Variants in LINGO1 observed in about 807,000 individuals in gnomAD.
LINGO1 encodes leucine rich repeat and Ig domain containing 1, also known as leucine-rich repeat and immunoglobulin-like domain-containing nogo receptor-interacting protein 1.
In LINGO1, 11 loss-of-function variants were observed where a neutral mutation model predicts 37.3. The observed-to-expected ratio is 0.29, with a 90% CI of 0.19 to 0.49. The LOEUF (loss-of-function observed/expected upper bound fraction) is 0.49, where lower values mean the gene tolerates loss of function less well. Among genes scored for constraint, LINGO1 ranks in the 20% least tolerant of loss-of-function variants. LINGO1 has a pLI of 0.99. For missense variants in LINGO1, 585 were observed against 878.2 expected (o/e 0.67, Z 4.22); for synonymous variants, 387 against 403.0 (o/e 0.96, Z 0.48).
intron 1 of LINGO1, among the ~76,000 whole-genome samples, chr15:77,818,501 G>A (rs1288282906): frequency 1.2e-4 from 18 of 152,228 alleles, no homozygotes; most frequent in Non-Finnish European, 1.3e-4. Context: ...GCACCAGGCC[G>A]GCAGACCTGG....
intron 2 of LINGO1, among the ~76,000 whole-genome samples, chr15:77,734,062 C>G (rs904065972): frequency 2.0e-5 from 3 of 152,202 alleles, no homozygotes; most frequent in Non-Finnish European, 4.4e-5. Flanking sequence ...CCCTAACTCC[C>G]GATCTCAGTT....
At chr15:77,663,466 T>G (rs73457837) in intron 3 of LINGO1, among the ~76,000 whole-genome samples, 8,072 of 152,278 alleles carry the variant, frequency 0.053, 691 homozygotes, top group African/African-American at 0.18. Flanking sequence ...CCCTGGACTT[T>G]GGTCCTGTCT....
In LINGO1 at chr15:77,776,471, AGGC is replaced by A. The variant is rs1484881933; in HGVS notation, c.-257+10395_-257+10397del. Among the ~76,000 whole-genome samples, 189 of 137,404 alleles carry A rather than the reference AGGC, an allele frequency of 1.4e-3. 1 individual carries two copies. Among genetic ancestry groups the A allele is most frequent in the African/African-American group, 2.3e-3 (81 of 34,908 alleles). 90.1% of individuals were successfully genotyped at this position (137,404 alleles called of 152,430 possible). A position where few individuals can be genotyped will look rare whatever the true frequency, so the allele number is the denominator to read the frequency against. On this transcript the variant is annotated intron_variant, in intron 1 of 3. Coordinates refer to the LINGO1 transcript ENST00000561686. The stretch of plus-strand genomic sequence containing the variant: ...TTAGCAGGAAGGCAGGAAGGCAGGA[AGGC>A]AGGAAGGCAGGAAAGCAGGAAGGCA...
At chr15:77,684,162 G>C (rs187085758) in intron 2 of LINGO1, among the ~76,000 whole-genome samples, 39 of 152,286 alleles carry the variant, frequency 2.6e-4, no homozygotes, top group Admixed American at 2.5e-3. Context: ...ACTCTGCCTT[G>C]GTGGGCCCAT....
At chr15:77,720,290 T>C (rs948020235) in intron 2 of LINGO1, among the ~76,000 whole-genome samples, 1 of 152,252 alleles carries the variant, frequency 6.6e-6, no homozygotes, top group Non-Finnish European at 1.5e-5. Context: ...GTTTTTATTC[T>C]GCAGCCGACT....
At chr15:77,803,847 C>T (rs965917656) in intron 1 of LINGO1, among the ~76,000 whole-genome samples, 21 of 152,278 alleles carry the variant, frequency 1.4e-4, no homozygotes, top group Middle Eastern at 3.4e-3. Context: ...GATCCATGAG[C>T]CAATTAAACC....
chr15:77,775,430 C>G (rs540416153), intron 1 of LINGO1, among the ~76,000 whole-genome samples: 16 of 152,296 alleles, frequency 1.1e-4, no homozygotes, highest in Admixed American at 9.8e-4. Flanking sequence ...CTCCTGCCTG[C>G]CACCTCCTGT....
chr15:77,771,194 C>T (rs982027026), intron 1 of LINGO1, among the ~76,000 whole-genome samples: 12 of 152,172 alleles, frequency 7.9e-5, no homozygotes, highest in Admixed American at 1.3e-4. Flanking sequence ...GTCTGGGATT[C>T]TAAGATATCA....
At position 77,614,797 on chromosome 15, in the gene LINGO1, C is replaced by A. The variant is rs61737308; in HGVS notation, c.1110G>T (p.Pro370=). ...NLETLILDSN[P]LACDCRLLWV... Reference sequence around the variant, plus strand: ...ACAGGAGCCGACAGTCGCAGGCCAGCGGGTTGGAGTCCAGGATGAGTGTCT... The same window carrying A: ...ACAGGAGCCGACAGTCGCAGGCCAGAGGGTTGGAGTCCAGGATGAGTGTCT... Residue 370 remains proline, a synonymous_variant, in exon 2 of 2, where the codon CCG becomes CCT. Transcript: ENST00000355300. 28 of 1,609,946 alleles carry A rather than the reference C, an allele frequency of 1.7e-5. No homozygotes were observed. Among genetic ancestry groups the A allele is most frequent in the Non-Finnish European group, 2.2e-5 (26 of 1,178,192 alleles).
intron 2 of LINGO1, among the ~76,000 whole-genome samples, chr15:77,793,766 T>C (rs891766457): frequency 1.3e-5 from 2 of 152,148 alleles, no homozygotes; most frequent in African/African-American, 2.4e-5. Flanking sequence ...TGGGATTAAG[T>C]GTAAAAGGCA....
chr15:77,652,640 G>C (rs1368644367), intron 3 of LINGO1, among the ~76,000 whole-genome samples: 1 of 152,148 alleles, frequency 6.6e-6, no homozygotes, highest in Non-Finnish European at 1.5e-5. Flanking sequence ...TGCTCCTGCT[G>C]TTCTCCACCT....
At chr15:77,777,609 A>C (rs1237125041) in intron 1 of LINGO1, among the ~76,000 whole-genome samples, 4 of 152,110 alleles carry the variant, frequency 2.6e-5, no homozygotes, top group Non-Finnish European at 4.4e-5. Context: ...TTGGTGGCTT[A>C]AAAACAAAAA....
chr15:77,683,345 C>T (rs1237250169), intron 2 of LINGO1, among the ~76,000 whole-genome samples: 8 of 152,260 alleles, frequency 5.3e-5, no homozygotes, highest in Middle Eastern at 6.8e-3. Flanking sequence ...CCCTTCACCC[C>T]GGCCACTCGC....
chr15:77,675,798 T>C (rs1160957461), intron 3 of LINGO1, among the ~76,000 whole-genome samples: 1 of 152,188 alleles, frequency 6.6e-6, no homozygotes, highest in Non-Finnish European at 1.5e-5. Context: ...AGAAAATACC[T>C]TCTGTGACTC....
intron 1 of LINGO1, among the ~76,000 whole-genome samples, chr15:77,751,704 T>C (rs1176700047): frequency 6.6e-6 from 1 of 152,202 alleles, no homozygotes; most frequent in African/African-American, 2.4e-5. Flanking sequence ...CTTCAAATGC[T>C]TTTGCCTTTG....
At chr15:77,744,322 C>A (rs1298548706) in intron 1 of LINGO1, among the ~76,000 whole-genome samples, 1 of 152,040 alleles carries the variant, frequency 6.6e-6, no homozygotes, top group East Asian at 1.9e-4. Context: ...CTGCTTGAGT[C>A]CAAGAGTTCA....
chr15:77,727,885 G>A lies in LINGO1; in HGVS notation c.-195+7107C>T, dbSNP rs2076118650. Among the ~76,000 whole-genome samples the A allele has an allele frequency of 2.0e-5, 3 of 152,158 alleles. No homozygotes were observed. In the South Asian group the frequency reaches 6.2e-4, roughly 32 times the overall value. On this transcript the variant is annotated intron_variant, in intron 2 of 3. Transcript: ENST00000561686. The stretch of plus-strand genomic sequence containing the variant: ...TGCGGATTCAAAGCCCTTTTGCCTG[G>A]CTCCCGGGGACACTGCACATTCCTT...
At chr15:77,680,817 G>T (rs186635772) in intron 2 of LINGO1, among the ~76,000 whole-genome samples, 27 of 152,296 alleles carry the variant, frequency 1.8e-4, no homozygotes, top group Non-Finnish European at 3.5e-4. Context: ...GAAAACTCCC[G>T]CAGGGCCTTG....
chr15:77,762,357 T>C (rs1002487243), intron 1 of LINGO1, among the ~76,000 whole-genome samples: 2 of 152,220 alleles, frequency 1.3e-5, no homozygotes, highest in African/African-American at 2.4e-5. Flanking sequence ...CAGAGTCTCA[T>C]AGCTCCAGAG....
Sources: allele counts gnomAD v4.1 joint callset (sites outside exome capture counted in the v4.1 genomes callset), GRCh38; gene constraint gnomAD v4.1.1; transcripts MANE v1.5; gene names NCBI Gene and HGNC (gene_info 2026-07-23, HGNC 2026-07-21).